Variants in CHL1 observed in about 807,000 individuals in gnomAD.
CHL1 encodes neural cell adhesion molecule L1-like protein.
CHL1 carries 96 observed loss-of-function variants against 141.9 expected under a neutral mutation model. That is an observed-to-expected ratio of 0.68 (90% confidence interval 0.57 to 0.80). The LOEUF is 0.80. Among genes scored for constraint, CHL1 ranks in the 30% least tolerant of loss-of-function variants. CHL1 has a pLI of 0.00. For synonymous variants in CHL1, 613 were observed against 502.2 expected, an observed-to-expected ratio of 1.22 and a Z score of -2.95; for missense variants, 1,820 against 1,457.2, an observed-to-expected ratio of 1.25 and a Z score of -4.05.
In CHL1 at chr3:406,089, T is replaced by C; in HGVS notation, c.*378T>C. 1 of 183,008 alleles carries C rather than the reference T, an allele frequency of 5.5e-6. No homozygotes were observed. The highest frequency in any genetic ancestry group is 5.8e-5 in the Admixed American group (1 of 17,306). 11.3% of individuals were successfully genotyped at this position (183,008 alleles called of 1,614,324 possible). ...GTTTTTCTCCGTATGCACATTGGTATACAGTCTCTGAGAACTGGCTTGGTG... is the reference window on the plus strand; with the variant it reads ...GTTTTTCTCCGTATGCACATTGGTACACAGTCTCTGAGAACTGGCTTGGTG... On this transcript the variant is annotated 3_prime_UTR_variant, in exon 28 of 28. Coordinates refer to ENST00000256509, the MANE Select transcript of CHL1 (RefSeq NM_006614.4).
intron 15 of CHL1, among the ~76,000 whole-genome samples, chr3:366,714 A>G (rs1464759288): frequency 1.3e-5 from 2 of 149,638 alleles, no homozygotes; most frequent in Non-Finnish European, 3.0e-5. Context: ...TGGAGGAGCT[A>G]GGCCTAGAAG....
At chr3:315,005 G>T (rs1456591588) in intron 2 of CHL1, among the ~76,000 whole-genome samples, 1 of 152,092 alleles carries the variant, frequency 6.6e-6, no homozygotes, top group African/African-American at 2.4e-5. Context: ...ATACTTTAGA[G>T]AATTTGCCTT....
At chr3:389,589 G>A (rs1708058035) in intron 20 of CHL1, 115 bp downstream of exon 20, 1 of 754,794 alleles carries the variant, frequency 1.3e-6, no homozygotes, top group South Asian at 1.8e-5. Context: ...GGATGTACTA[G>A]CCGTGGGAGA....
intron 2 of CHL1, among the ~76,000 whole-genome samples, chr3:293,805 A>ATTT (rs35981953): frequency 1.4e-5 from 2 of 141,896 alleles, no homozygotes. Context: ...GCTGGAGAAG[A>ATTT]TTTTTTTTTT....
At chr3:283,605 G>C (rs1339571812) in intron 2 of CHL1, among the ~76,000 whole-genome samples, 1 of 152,166 alleles carries the variant, frequency 6.6e-6, no homozygotes, top group Non-Finnish European at 1.5e-5. Context: ...ATAAATACAT[G>C]TTAAATTAAA....
chr3:272,719 A>T (rs965999027), intron 2 of CHL1, among the ~76,000 whole-genome samples: 1 of 152,216 alleles, frequency 6.6e-6, no homozygotes, highest in East Asian at 1.9e-4. Context: ...CGTATTTTGT[A>T]TTGAAAATTC....
intron 26 of CHL1, among the ~76,000 whole-genome samples, chr3:400,378 G>A (rs1709024261): frequency 6.6e-6 from 1 of 152,096 alleles, no homozygotes; most frequent in Admixed American, 6.5e-5. Flanking sequence ...AATTGGAAAC[G>A]TTAAAGAGTT....
chr3:298,631 T>C (rs1698426817), intron 2 of CHL1, among the ~76,000 whole-genome samples: 2 of 152,210 alleles, frequency 1.3e-5, no homozygotes, highest in African/African-American at 4.8e-5. Context: ...ATTAACTTGC[T>C]TGCCAGGAGG....
At chr3:231,363 C>G (rs1295822419) in intron 1 of CHL1, among the ~76,000 whole-genome samples, 6 of 152,080 alleles carry the variant, frequency 3.9e-5, no homozygotes, top group African/African-American at 1.4e-4. Flanking sequence ...CCACTTTTCT[C>G]TCTTCCCCTT....
chr3:385,378 C>G (rs1353679045), intron 19 of CHL1, among the ~76,000 whole-genome samples: 1 of 152,102 alleles, frequency 6.6e-6, no homozygotes, highest in African/African-American at 2.4e-5. Flanking sequence ...GTTTAATGAC[C>G]TCACCCAGAT....
At chr3:349,221 C>A in intron 9 of CHL1, 138 bp from the exon 10 acceptor site, 1 of 691,694 alleles carries the variant, frequency 1.4e-6, no homozygotes, top group Non-Finnish European at 2.4e-6. Flanking sequence ...TGTCTGTCCA[C>A]TGGTAAGGAT....
At chr3:220,160 T>C (rs1434025593) in intron 1 of CHL1, among the ~76,000 whole-genome samples, 1 of 152,014 alleles carries the variant, frequency 6.6e-6, no homozygotes, top group African/African-American at 2.4e-5. Flanking sequence ...CTGGGGAGGG[T>C]GGTTGACGAC....
At chr3:285,138 T>G (rs1697015009) in intron 2 of CHL1, among the ~76,000 whole-genome samples, 1 of 152,240 alleles carries the variant, frequency 6.6e-6, no homozygotes, top group African/African-American at 2.4e-5. Flanking sequence ...AGAATAAGTT[T>G]CATTATCACC....
intron 1 of CHL1, among the ~76,000 whole-genome samples, chr3:214,887 A>G (rs1700183692): frequency 6.6e-6 from 1 of 152,174 alleles, no homozygotes; most frequent in Admixed American, 6.6e-5. Flanking sequence ...ATGCCTAATG[A>G]GATAACAGTG....
At chr3:308,657 A>G (rs1699460699) in intron 2 of CHL1, 1 of 150,606 alleles carries the variant, frequency 6.6e-6, no homozygotes. Flanking sequence ...TATATAATAT[A>G]TATACTAGAA....
At chr3:197,574 C>G (rs1297011788) in intron 1 of CHL1, 5 of 338,950 alleles carry the variant, frequency 1.5e-5, no homozygotes, top group South Asian at 9.0e-5. Flanking sequence ...CAGACCCCCC[C>G]AGTCCACTGC....
rs779131290 is a variant in CHL1 at position 328,321 on chromosome 3, G to A, written c.352G>A (p.Ala118Thr). ...CTTTGCTTCAAATAAACTGGGAATC[G>A]CTATGTCAGAAGAAATAGAATTTAT... ...RCFASNKLGIAMSEEIEFIVP... is the reference protein window; with the variant it reads ...RCFASNKLGITMSEEIEFIVP... The change falls in exon 5 of 28, where the codon GCT becomes ACT. Residue 118 changes from alanine (A) to threonine (T), a missense_variant. Coordinates refer to ENST00000256509, the MANE Select transcript of CHL1 (RefSeq NM_006614.4). The A allele has an allele frequency of 2.5e-6, 4 of 1,611,326 alleles. No homozygotes were observed. The highest frequency in any genetic ancestry group is 4.5e-5 in the East Asian group (2 of 44,778).
chr3:342,143 C>T, intron 7 of CHL1, 61 bp downstream of exon 7: 3 of 1,462,978 alleles, frequency 2.1e-6, no homozygotes, highest in Non-Finnish European at 2.8e-6. Context: ...TCTGTAATTT[C>T]CTTCTGGCTG....
intron 9 of CHL1, among the ~76,000 whole-genome samples, chr3:347,743 C>T (rs1423854388): frequency 1.3e-5 from 2 of 152,190 alleles, no homozygotes; most frequent in African/African-American, 4.8e-5. Flanking sequence ...TTGAGCTATG[C>T]ATCCTCTTAG....
Sources: allele counts gnomAD v4.1 joint callset (sites outside exome capture counted in the v4.1 genomes callset), GRCh38; gene constraint gnomAD v4.1.1; transcripts MANE v1.5; gene names NCBI Gene and HGNC (gene_info 2026-07-23, HGNC 2026-07-21).